The following ETV6 variants were observed in gnomAD, a reference collection of about 807,000 sequenced individuals.
The protein encoded by ETV6 is transcription factor ETV6.
In ETV6, 16 loss-of-function variants were observed where a neutral mutation model predicts 51.1. The ratio of observed to expected loss-of-function variants is 0.31; its 90% CI spans 0.21 to 0.48. ETV6 has a LOEUF of 0.48. Among genes scored for constraint, ETV6 ranks in the 20% least tolerant of loss-of-function variants. The pLI is 0.99. For missense variants in ETV6, 458 were observed against 594.8 expected (o/e 0.77, Z 2.39); for synonymous variants, 240 against 224.1 (o/e 1.07, Z -0.64).
In ETV6 at chr12:11,766,771, C is replaced by T. The variant is rs181444023; in HGVS notation, c.163+14192C>T. On this transcript the variant is annotated intron_variant, in intron 2 of 7. Coordinates refer to ENST00000396373, the MANE Select transcript of ETV6 (RefSeq NM_001987.5). Reference sequence around the variant, plus strand: ...GACGTCTTCAGCAATGGGGTGGGGGCGGGCAGTCAGGGGAGAATGCAGCCA... The same window carrying T: ...GACGTCTTCAGCAATGGGGTGGGGGTGGGCAGTCAGGGGAGAATGCAGCCA... Among the ~76,000 whole-genome samples the T allele has an allele frequency of 1.6e-3, 246 of 150,094 alleles. 1 individual carries two copies. In the South Asian group the frequency reaches 0.023, roughly 14 times the overall value.
chr12:11,790,394 G>T (rs552551258), intron 2 of ETV6, among the ~76,000 whole-genome samples: 3 of 152,244 alleles, frequency 2.0e-5, no homozygotes, highest in Non-Finnish European at 4.4e-5. Context: ...CCGTGCCTGG[G>T]TGAACGTGCT....
At chr12:11,757,206 G>A (rs1410694261) in intron 2 of ETV6, among the ~76,000 whole-genome samples, 1 of 152,030 alleles carries the variant, frequency 6.6e-6, no homozygotes, top group East Asian at 1.9e-4. Context: ...ACTCCTGCTT[G>A]TGTGTGTTTA....
chr12:11,679,161 C>G (rs1044309217), intron 1 of ETV6, among the ~76,000 whole-genome samples: 8 of 152,166 alleles, frequency 5.3e-5, no homozygotes, highest in African/African-American at 1.9e-4. Flanking sequence ...CAATTTCTAA[C>G]ACAATCTGAG....
At chr12:11,696,029 A>T (rs1864872672) in intron 1 of ETV6, among the ~76,000 whole-genome samples, 2 of 152,236 alleles carry the variant, frequency 1.3e-5, no homozygotes, top group African/African-American at 4.8e-5. Flanking sequence ...GTGTAGGGAA[A>T]AAAAAAAGAA....
chr12:11,690,031 AGAGAT>A (rs1204757135), intron 1 of ETV6, among the ~76,000 whole-genome samples: 16 of 152,034 alleles, frequency 1.1e-4, no homozygotes, highest in African/African-American at 3.9e-4. Flanking sequence ...CAGAATATTC[AGAGAT>A]GAGATTAATG....
intron 2 of ETV6, among the ~76,000 whole-genome samples, chr12:11,776,083 C>G (rs1945319814): frequency 6.6e-6 from 1 of 152,156 alleles, no homozygotes; most frequent in South Asian, 2.1e-4. Context: ...CCAGCAGTGG[C>G]ATTTCAAGAT....
At chr12:11,696,886 A>G (rs1864888364) in intron 1 of ETV6, among the ~76,000 whole-genome samples, 2 of 152,200 alleles carry the variant, frequency 1.3e-5, no homozygotes, top group Non-Finnish European at 2.9e-5. Flanking sequence ...CCTCACTAGA[A>G]TGCAAACTCC....
At chr12:11,698,683 T>A (rs1864923941) in intron 1 of ETV6, among the ~76,000 whole-genome samples, 1 of 152,196 alleles carries the variant, frequency 6.6e-6, no homozygotes, top group African/African-American at 2.4e-5. Context: ...CCTAATACCT[T>A]TGTAAGATAG....
rs1357939241 is a variant in ETV6, at chr12:11,874,537, C to T, written c.1009+4568C>T. ...GTGTACACACATATATGTGTATGTGCGTGTGTACACACATATATGTGTATG... is the reference window on the plus strand; with the variant it reads ...GTGTACACACATATATGTGTATGTGTGTGTGTACACACATATATGTGTATG... On this transcript the variant is annotated intron_variant, in intron 5 of 7. Coordinates refer to ENST00000396373, the MANE Select transcript of ETV6 (RefSeq NM_001987.5). 1.5e-3 allele frequency among the ~76,000 whole-genome samples: 4 copies of T among 2,638 alleles called. 1 individual carries two copies. The highest frequency in any genetic ancestry group is 6.2e-3 in the Admixed American group (1 of 162). 1.7% of individuals were successfully genotyped at this position (2,638 alleles called of 152,430 possible).
intron 1 of ETV6, among the ~76,000 whole-genome samples, chr12:11,727,306 G>A (rs150263724): frequency 1.3e-5 from 2 of 152,380 alleles, no homozygotes; most frequent in Non-Finnish European, 2.9e-5. Flanking sequence ...CCGCAGGCGG[G>A]CGCAAGCCAA....
At chr12:11,666,218 GTGAT>G (rs1371008604) in intron 1 of ETV6, among the ~76,000 whole-genome samples, 1 of 152,174 alleles carries the variant, frequency 6.6e-6, no homozygotes, top group Non-Finnish European at 1.5e-5. Flanking sequence ...TCTGAGGTCT[GTGAT>G]TGGCCTTTCC....
intron 4 of ETV6, among the ~76,000 whole-genome samples, chr12:11,858,512 C>G (rs948899718): frequency 3.9e-5 from 6 of 152,088 alleles, no homozygotes; most frequent in Non-Finnish European, 8.8e-5. Context: ...GCTAAAGTCT[C>G]TGAATGAGAC....
rs575601513 is a variant in ETV6, at chr12:11,750,158, C to A, written c.34-2292C>A. ...GCAGGTGCAGAAGTGTGGTGTTTCA[C>A]CGTAAGGTCAGGGAACCATGTAGAA... On this transcript the variant is annotated intron_variant, in intron 1 of 7. Coordinates refer to ENST00000396373, the MANE Select transcript of ETV6 (RefSeq NM_001987.5). Among the ~76,000 whole-genome samples the A allele has an allele frequency of 1.2e-4, 19 of 152,274 alleles. No individual in the cohort carries two copies. In the South Asian group the frequency reaches 3.9e-3, roughly 32 times the overall value.
At chr12:11,868,982 A>G (rs561671705) in intron 4 of ETV6, among the ~76,000 whole-genome samples, 26 of 152,272 alleles carry the variant, frequency 1.7e-4, no homozygotes, top group South Asian at 4.1e-4. Context: ...CACGCCTGTA[A>G]TCCCAGCACT....
intron 1 of ETV6, among the ~76,000 whole-genome samples, chr12:11,747,307 T>C (rs1382331937): frequency 6.6e-6 from 1 of 152,204 alleles, no homozygotes; most frequent in Admixed American, 6.5e-5. Flanking sequence ...CAGAGGGATG[T>C]TGCTTTCAGG....
At chr12:11,883,336 G>A (rs12811121) in intron 5 of ETV6, among the ~76,000 whole-genome samples, 1 of 124,456 alleles carries the variant, frequency 8.0e-6, no homozygotes, top group Non-Finnish European at 1.6e-5. Context: ...CTTTGTCACC[G>A]AGGCTGGAGG....
chr12:11,799,539 T>C (rs923307059), intron 2 of ETV6, among the ~76,000 whole-genome samples: 2 of 152,188 alleles, frequency 1.3e-5, no homozygotes, highest in Admixed American at 6.5e-5. Context: ...CATACCTTCA[T>C]GTGACCCTAA....
chr12:11,888,398 C>CTTTT (rs1555148147), intron 7 of ETV6, among the ~76,000 whole-genome samples: 26 of 80,690 alleles, frequency 3.2e-4, no homozygotes, highest in Non-Finnish European at 5.3e-4. Flanking sequence ...CTTTTCTTTT[C>CTTTT]TTTTTTTTTT....
chr12:11,725,174 T>C (rs1865466144), intron 1 of ETV6, among the ~76,000 whole-genome samples: 2 of 151,580 alleles, frequency 1.3e-5, no homozygotes, highest in South Asian at 4.2e-4. Flanking sequence ...TTTTTTTTTT[T>C]TCCACTCAAC....
Sources: gnomAD v4.1 joint callset for allele counts (sites outside exome capture counted in the v4.1 genomes callset) on GRCh38, gnomAD v4.1.1 for gene constraint, MANE v1.5 for transcripts, NCBI Gene and HGNC (gene_info 2026-07-23, HGNC 2026-07-21) for gene names.